The following PRKCH variants were observed in gnomAD, a reference collection of about 807,000 sequenced individuals.
PRKCH encodes protein kinase C eta.
PRKCH carries 28 observed loss-of-function variants against 82.5 expected under a neutral mutation model. The ratio of observed to expected loss-of-function variants is 0.34; its 90% CI spans 0.25 to 0.47. The LOEUF is 0.47. Among genes scored for constraint, PRKCH ranks in the 20% least tolerant of loss-of-function variants. PRKCH has a pLI of 1.00. For missense variants in PRKCH, 705 were observed against 881.8 expected (o/e 0.80, Z 2.54); for synonymous variants, 322 against 327.4 (o/e 0.98, Z 0.18).
At chr14:61,215,076 C>A (rs1296146101) in intron 1 of PRKCH, among the ~76,000 whole-genome samples, 1 of 152,184 alleles carries the variant, frequency 6.6e-6, no homozygotes, top group Non-Finnish European at 1.5e-5. Flanking sequence ...GCATTATCCA[C>A]AGACCCTAGC....
At chr14:61,220,807 TTAA>T (rs1269446543) in intron 1 of PRKCH, among the ~76,000 whole-genome samples, 1 of 151,844 alleles carries the variant, frequency 6.6e-6, no homozygotes, top group Non-Finnish European at 1.5e-5. Flanking sequence ...AAGGAAAGGA[TTAA>T]AAGAAAAAGG....
chr14:61,287,097 T>A (rs2045321854), intron 1 of PRKCH, among the ~76,000 whole-genome samples: 1 of 146,676 alleles, frequency 6.8e-6, no homozygotes, highest in Non-Finnish European at 1.5e-5. Context: ...TCCCAGCTAC[T>A]TGGAAGTTGA....
intron 1 of PRKCH, among the ~76,000 whole-genome samples, chr14:61,354,491 T>C (rs555046689): frequency 1.2e-4 from 19 of 152,114 alleles, no homozygotes; most frequent in Non-Finnish European, 2.4e-4. Context: ...TTCCTTTTTT[T>C]CCCCCTATAT....
At chr14:61,214,568 G>A (rs2044604006) in intron 1 of PRKCH, among the ~76,000 whole-genome samples, 1 of 151,984 alleles carries the variant, frequency 6.6e-6, no homozygotes, top group African/African-American at 2.4e-5. Context: ...CTCAAGTTCT[G>A]GAGGCTGGAA....
chr14:61,297,483 T>A (rs924174461), intron 1 of PRKCH, among the ~76,000 whole-genome samples: 1 of 152,238 alleles, frequency 6.6e-6, no homozygotes, highest in Non-Finnish European at 1.5e-5. Flanking sequence ...GAACTCATAT[T>A]TGTCTGCTGC....
chr14:61,397,727 G>A (rs1448481636), intron 2 of PRKCH, among the ~76,000 whole-genome samples: 1 of 152,218 alleles, frequency 6.6e-6, no homozygotes, highest in Non-Finnish European at 1.5e-5. Flanking sequence ...GTTTGATAAT[G>A]AAGTTAGAAG....
At chr14:61,320,254 G>T (rs2045598128), upstream of PRKCH, among the ~76,000 whole-genome samples, 1 of 152,214 alleles carries the variant, frequency 6.6e-6, no homozygotes, top group Non-Finnish European at 1.5e-5. Flanking sequence ...AGCCGAATCT[G>T]CTCCGAGGGA....
At position 61,529,205 on chromosome 14, in the gene PRKCH, G is replaced by A. The variant is rs1566930228; in HGVS notation, c.1564G>A (p.Ala522Thr). The change falls in exon 11 of 14, where the codon GCT (alanine) becomes ACT (threonine). Residue 522 changes from alanine to threonine, a missense_variant. Coordinates refer to ENST00000332981, the MANE Select transcript of PRKCH (RefSeq NM_006255.5). ...ATFCGTPDYIAPEILQEMLYG... is the reference protein window; with the variant it reads ...ATFCGTPDYITPEILQEMLYG... ...ATTCTGTGGCACGCCAGACTATATC[G>A]CTCCAGAGGTGAGTGCAGCTGCTTG... 1.9e-6 allele frequency: 3 copies of A among 1,611,968 alleles called. No homozygotes were observed. Among genetic ancestry groups the A allele is most frequent in the Non-Finnish European group, 2.5e-6 (3 of 1,178,810 alleles).
At chr14:61,457,393 G>A (rs574180327) in intron 8 of PRKCH, 74 bp downstream of exon 8, 30 of 1,583,866 alleles carry the variant, frequency 1.9e-5, no homozygotes, top group Middle Eastern at 1.7e-4. Flanking sequence ...GTGTGTGCAC[G>A]CATGCGCACA....
At chr14:61,220,734 T>C (rs1358340605) in intron 1 of PRKCH, among the ~76,000 whole-genome samples, 1 of 151,234 alleles carries the variant, frequency 6.6e-6, no homozygotes, top group Non-Finnish European at 1.5e-5. Flanking sequence ...ATTCACATCA[T>C]CAACACGGGA....
rs796346399 is a variant in PRKCH at position 61,251,838 on chromosome 14, T to A, written c.-19+64170T>A. On this transcript the variant is annotated intron_variant, in intron 1 of 3. Coordinates refer to the PRKCH transcript ENST00000555185. Reference sequence around the variant, plus strand: ...CCAACAAAACTGTATAAGGGTCTTTTTTTTTTTTTTATTTGTTTTGAGATG... The same window carrying A: ...CCAACAAAACTGTATAAGGGTCTTTATTTTTTTTTTATTTGTTTTGAGATG... Among the ~76,000 whole-genome samples, 355 of 150,898 alleles carry A rather than the reference T, an allele frequency of 2.4e-3. 4 individuals are homozygous for A. Among genetic ancestry groups the A allele is most frequent in the South Asian group, 6.6e-3 (31 of 4,718 alleles).
chr14:61,288,180 T>C (rs2045331294), intron 1 of PRKCH, among the ~76,000 whole-genome samples: 1 of 152,144 alleles, frequency 6.6e-6, no homozygotes, highest in Admixed American at 6.5e-5. Context: ...CTATGTGATA[T>C]CATCAATGAG....
intron 1 of PRKCH, among the ~76,000 whole-genome samples, chr14:61,327,548 G>T (rs2045714458): frequency 6.6e-6 from 1 of 152,208 alleles, no homozygotes; most frequent in South Asian, 2.1e-4. Context: ...AGTGGGACCG[G>T]CTGCTTCTCA....
chr14:61,363,091 A>G (rs1439805598), intron 1 of PRKCH, among the ~76,000 whole-genome samples: 1 of 152,204 alleles, frequency 6.6e-6, no homozygotes, highest in African/African-American at 2.4e-5. Flanking sequence ...TCAGTGCATT[A>G]AACAGTCTGT....
intron 1 of PRKCH, among the ~76,000 whole-genome samples, chr14:61,223,775 A>T (rs2044673652): frequency 1.3e-5 from 2 of 152,194 alleles, no homozygotes; most frequent in Non-Finnish European, 2.9e-5. Flanking sequence ...GGCCCCTCAG[A>T]GCCAAATGGC....
chr14:61,243,209 A>G (rs1417783567), intron 1 of PRKCH, among the ~76,000 whole-genome samples: 1 of 151,900 alleles, frequency 6.6e-6, no homozygotes, highest in Non-Finnish European at 1.5e-5. Context: ...AGCTTGGCCA[A>G]TATAGCAAAA....
chr14:61,264,813 C>T (rs1281410845), intron 1 of PRKCH, among the ~76,000 whole-genome samples: 9 of 152,126 alleles, frequency 5.9e-5, no homozygotes, highest in African/African-American at 2.2e-4. Flanking sequence ...TAGTGCTTGG[C>T]AGTGAAACAG....
intron 1 of PRKCH, among the ~76,000 whole-genome samples, chr14:61,326,028 T>A (rs1032396219): frequency 1.3e-5 from 2 of 152,190 alleles, no homozygotes; most frequent in East Asian, 1.9e-4. Context: ...AAATGGTAAA[T>A]CATGTTGGAA....
intron 2 of PRKCH, among the ~76,000 whole-genome samples, chr14:61,433,619 G>A (rs531901632): frequency 2.7e-4 from 41 of 152,220 alleles, no homozygotes; most frequent in Non-Finnish European, 4.4e-4. Flanking sequence ...CTGCTTTCAC[G>A]GGGATCATAT....
Sources: allele counts gnomAD v4.1 joint callset (sites outside exome capture counted in the v4.1 genomes callset), GRCh38; gene constraint gnomAD v4.1.1; transcripts MANE v1.5; gene names NCBI Gene and HGNC (gene_info 2026-07-23, HGNC 2026-07-21).